ERCC1: variants seen among roughly 807,000 people sequenced by gnomAD.
ERCC1 encodes the protein DNA excision repair protein ERCC-1.
ERCC1 carries 36 observed loss-of-function variants against 37.6 expected under a neutral mutation model. The observed-to-expected ratio is 0.96, with a 90% CI of 0.73 to 1.26. ERCC1 has a LOEUF of 1.26. Among genes scored for constraint, ERCC1 ranks in the 50% most tolerant of loss-of-function variants. The pLI, the probability that ERCC1 is intolerant of heterozygous loss-of-function variation, is 0.00. For synonymous variants in ERCC1, 156 were observed against 162.1 expected (o/e 0.96, Z 0.28); for missense variants, 349 against 376.5 (o/e 0.93, Z 0.60).
rs776844788 is a variant in ERCC1 at position 45,408,935 on chromosome 19, C to T, written c.*740G>A. ...GGTGGAGCCACTGGAGGAAGCCATC[C>T]CTCTGCCCCCTACGAAGAAGAGGAA... On this transcript the variant is annotated 3_prime_UTR_variant, in exon 10 of 10. Transcript: ENST00000300853. 1 of 1,613,998 alleles carries T rather than the reference C, an allele frequency of 6.2e-7. No individual in the cohort carries two copies. Among genetic ancestry groups the T allele is most frequent in the Admixed American group, 1.7e-5 (1 of 60,008 alleles).
chr19:45,450,997 G>T (rs1177609648), intron 1 of ERCC1, among the ~76,000 whole-genome samples: 4 of 147,196 alleles, frequency 2.7e-5, no homozygotes, highest in Non-Finnish European at 1.5e-5. Flanking sequence ...TGGCGCGGCC[G>T]CACAGGGCGC....
intron 5 of ERCC1, 122 bp downstream of exon 5, chr19:45,418,976 C>T (rs1974230894): frequency 8.1e-6 from 6 of 744,868 alleles, no homozygotes; most frequent in African/African-American, 6.9e-5. Context: ...CCCATGTCAT[C>T]TCAGATGTGA....
intron 5 of ERCC1, among the ~76,000 whole-genome samples, chr19:45,418,779 A>T (rs147491327): frequency 1.8e-3 from 269 of 151,462 alleles, no homozygotes; most frequent in African/African-American, 6.3e-3. Context: ...GCCAAGATCA[A>T]GTCATTGCAC....
chr19:45,411,996 A>ACCACACC (rs1207889758), intron 9 of ERCC1, among the ~76,000 whole-genome samples: 2 of 151,486 alleles, frequency 1.3e-5, no homozygotes, highest in Admixed American at 6.6e-5. Flanking sequence ...AGCTGGGACT[A>ACCACACC]CAGGTGCCCA....
intron 6 of ERCC1, among the ~76,000 whole-genome samples, chr19:45,416,032 G>A (rs3212969): frequency 0.23 from 35,027 of 152,052 alleles, 5,014 homozygotes; most frequent in East Asian, 0.43. Flanking sequence ...CTGCTCGGGA[G>A]GCTGAGGCAG....
intron 8 of ERCC1, 84 bp downstream of exon 8, chr19:45,413,879 G>A: frequency 6.4e-7 from 1 of 1,565,334 alleles, no homozygotes; most frequent in Non-Finnish European, 8.8e-7. Context: ...GGGTGGGCAG[G>A]GAGATGGAAG....
intron 1 of ERCC1, among the ~76,000 whole-genome samples, chr19:45,434,470 C>T (rs1974922299): frequency 6.6e-6 from 1 of 152,128 alleles, no homozygotes; most frequent in South Asian, 2.1e-4. Context: ...CCAGCCTGGG[C>T]AACTGAGTAA....
chr19:45,437,284 A>G (rs763905449), intron 1 of ERCC1, among the ~76,000 whole-genome samples: 24 of 151,022 alleles, frequency 1.6e-4, no homozygotes, highest in Non-Finnish European at 2.4e-4. Context: ...GTGTGTGTGT[A>G]TATATATATA....
rs2123511747 is a variant in ERCC1, at chr19:45,420,355, G to A, written c.394C>T (p.Leu132=). Reference sequence around the variant, plus strand: ...AACAGGGCACAGGTGCTCTGGCCCAGCACATAGTCGGGAATTACGTCGCCA... The same window carrying A: ...AACAGGGCACAGGTGCTCTGGCCCAACACATAGTCGGGAATTACGTCGCCA... ...EFGDVIPDYV[L]GQSTCALFLS... Residue 132 remains leucine, a synonymous_variant, in exon 4 of 10, where the codon CTG becomes TTG. Coordinates refer to ENST00000300853, the MANE Select transcript of ERCC1 (RefSeq NM_001983.4). The surrounding 1 kb of genome is among the most constrained non-coding windows in gnomAD (Gnocchi z 4.8). 6.2e-7 allele frequency: 1 copy of A among 1,613,540 alleles called. No individual in the cohort carries two copies.
In ERCC1 at chr19:45,408,551, G is replaced by A. The variant is rs771705068; in HGVS notation, c.*1124C>T. 36 of 1,613,990 alleles carry A rather than the reference G, an allele frequency of 2.2e-5. No homozygotes were observed. Among genetic ancestry groups the A allele is most frequent in the East Asian group, 6.7e-5 (3 of 44,880 alleles). On this transcript the variant is annotated 3_prime_UTR_variant, in exon 10 of 10. Transcript: ENST00000300853. ...CACTCAGGAGGCAGTGAATGGGCACGGGGCCCTGGAGGTGGACATGGCTTT... is the reference window on the plus strand; with the variant it reads ...CACTCAGGAGGCAGTGAATGGGCACAGGGCCCTGGAGGTGGACATGGCTTT...
chr19:45,444,392 C>T (rs1212289821), intron 1 of ERCC1, among the ~76,000 whole-genome samples: 7 of 151,648 alleles, frequency 4.6e-5, no homozygotes, highest in Non-Finnish European at 7.4e-5. Context: ...GGCCGCCCCC[C>T]CGCGGTGGCC....
At chr19:45,441,573 C>A (rs1031902699) in intron 1 of ERCC1, among the ~76,000 whole-genome samples, 11 of 152,076 alleles carry the variant, frequency 7.2e-5, no homozygotes, top group Non-Finnish European at 1.2e-4. Context: ...CGGGGTTTTA[C>A]TATGTTGTCC....
At chr19:45,423,733 T>G (rs1026974080) in intron 1 of ERCC1, 48 bp downstream of exon 1, 14 of 1,158,246 alleles carry the variant, frequency 1.2e-5, no homozygotes, top group Non-Finnish European at 1.5e-5. Context: ...TCGGCAATGA[T>G]TGGCTTCCGC....
intron 1 of ERCC1, among the ~76,000 whole-genome samples, chr19:45,439,359 T>C (rs1213068582): frequency 1.3e-5 from 2 of 151,938 alleles, no homozygotes; most frequent in Non-Finnish European, 2.9e-5. Context: ...ATTTATAAAA[T>C]GGGTGTGGAC....
chr19:45,423,417 G>C (rs1337823413), intron 1 of ERCC1, 36 bp from the exon 2 acceptor site: 1 of 1,577,984 alleles, frequency 6.3e-7, no homozygotes, highest in South Asian at 1.2e-5. Flanking sequence ...GTGAGCCACT[G>C]GCGTCTACGT....
At chr19:45,441,131 C>G (rs538768813) in intron 1 of ERCC1, among the ~76,000 whole-genome samples, 2 of 152,330 alleles carry the variant, frequency 1.3e-5, no homozygotes, top group South Asian at 4.1e-4. Flanking sequence ...TTCCCTGGGC[C>G]TAGGTCTTCC....
Position 45,420,889 on chromosome 19 carries a change from G to A in ERCC1, c.321+289C>T, listed in dbSNP as rs565285908. Among the ~76,000 whole-genome samples the A allele has an allele frequency of 9.9e-5, 15 of 152,206 alleles. No individual in the cohort carries two copies. The East Asian group carries it at 1.2e-3, about 12-fold the overall frequency. Reference sequence around the variant, plus strand: ...CCACCTGCCTCAGCCTCTCCAAAGTGCTGGGATTACAGGTGTGAGCCACCA... The same window carrying A: ...CCACCTGCCTCAGCCTCTCCAAAGTACTGGGATTACAGGTGTGAGCCACCA... On this transcript the variant is annotated intron_variant, in intron 3 of 9. Coordinates refer to ENST00000300853, the MANE Select transcript of ERCC1 (RefSeq NM_001983.4). This position sits in a 1 kb window ranked among gnomAD's most constrained non-coding sequence, Gnocchi z 4.8.
In ERCC1 at chr19:45,423,791, G is replaced by A; in HGVS notation, c.-18C>T. ...CTCCGCCTCCCGCACCTGTGGTCCG[G>A]GCCTCACGGTTTCAGCGCCGCGAGG... On this transcript the variant is annotated 5_prime_UTR_variant, in exon 1 of 10. Transcript: ENST00000300853. 1.8e-6 allele frequency: 2 copies of A among 1,125,848 alleles called. No homozygotes were observed. The highest frequency in any genetic ancestry group is 2.2e-6 in the Non-Finnish European group (2 of 913,070). The allele number at this position is 1,125,848 out of a possible 1,614,324, so 69.7% of individuals were successfully genotyped here.
intron 6 of ERCC1, among the ~76,000 whole-genome samples, chr19:45,416,329 G>A (rs1281420698): frequency 2.0e-5 from 3 of 152,168 alleles, no homozygotes; most frequent in African/African-American, 7.2e-5. Flanking sequence ...TTATTTTCCC[G>A]CTGCAGCAAG....
Sources: gnomAD v4.1 joint callset for allele counts (sites outside exome capture counted in the v4.1 genomes callset) on GRCh38, gnomAD v4.1.1 for gene constraint, Gnocchi (gnomAD v3.1) non-coding constraint, MANE v1.5 for transcripts, NCBI Gene and HGNC (gene_info 2026-07-23, HGNC 2026-07-21) for gene names.